ZNF274: variants seen among roughly 807,000 people sequenced by gnomAD.
ZNF274 encodes the protein neurotrophin receptor-interacting factor homolog.
In ZNF274, 23 loss-of-function variants were observed where a neutral mutation model predicts 42.5. That is an observed-to-expected ratio of 0.54 (90% confidence interval 0.39 to 0.77). The LOEUF (loss-of-function observed/expected upper bound fraction) is 0.77, where lower values mean the gene tolerates loss of function less well. ZNF274 is among the 30% of genes least tolerant of loss of function. The pLI, the probability that ZNF274 is intolerant of heterozygous loss-of-function variation, is 0.00. For synonymous variants in ZNF274, 292 were observed against 305.4 expected (o/e 0.96, Z 0.46); for missense variants, 679 against 806.5 (o/e 0.84, Z 1.91).
intron 5 of ZNF274, 28 bp from the exon 6 acceptor site, chr19:58,209,933 A>T (rs765941129): frequency 6.3e-7 from 1 of 1,575,918 alleles, no homozygotes; most frequent in Non-Finnish European, 8.7e-7. Context: ...ACACCTGCTG[A>T]CCTCCTCTGG....
At position 58,207,060 on chromosome 19, in the gene ZNF274, G is replaced by C. The variant is rs1466172350; in HGVS notation, c.597G>C (p.Gln199His). 1.9e-6 allele frequency: 3 copies of C among 1,613,658 alleles called. No individual in the cohort carries two copies. Among genetic ancestry groups the C allele is most frequent in the Non-Finnish European group, 1.7e-6 (2 of 1,179,908 alleles). Residue 199 changes from glutamine (Q) to histidine (H), a missense_variant, in exon 5 of 8, where the codon CAG (glutamine) becomes CAC (histidine). By Grantham distance (24) the Gln-to-His change is conservative (BLOSUM62 0). Transcript: ENST00000617501. The surrounding 1 kb of genome is among the most constrained non-coding windows in gnomAD (Gnocchi z 5.6). ...AGCCTAAGGCACGCTCCAAGGAGCA[G>C]ATCCTGGAGCTGCTGGTGCTGGAGC... ...WLQPKARSKE[Q>H]ILELLVLEQF... is the part of the protein sequence containing the mutation.
chr19:58,185,277 A>T (rs2075684012), intron 2 of ZNF274, among the ~76,000 whole-genome samples: 2 of 151,392 alleles, frequency 1.3e-5, no homozygotes, highest in Admixed American at 1.3e-4. Context: ...TACAAAAATT[A>T]GCCGGGCATG....
At chr19:58,204,350 G>T (rs113537581) in intron 4 of ZNF274, among the ~76,000 whole-genome samples, 22 of 152,270 alleles carry the variant, frequency 1.4e-4, no homozygotes, top group African/African-American at 4.6e-4. Flanking sequence ...GGGTCCAGGG[G>T]GGGCAGGGTT....
At chr19:58,199,951 G>T (rs2075890599) in intron 4 of ZNF274, among the ~76,000 whole-genome samples, 1 of 152,204 alleles carries the variant, frequency 6.6e-6, no homozygotes, top group Admixed American at 6.5e-5. Context: ...GAGTCCTGAA[G>T]TCATTCTAGC....
In ZNF274 at chr19:58,203,262, T is replaced by G. The variant is rs556121695; in HGVS notation, c.257-3458T>G. The stretch of plus-strand genomic sequence containing the variant: ...GCCTCCAGTAAATCTTATCCCCAGC[T>G]GCTTCTCAGGAAAAATTCAAGCCTT... On this transcript the variant is annotated intron_variant, in intron 4 of 7. Transcript: ENST00000617501. 5.9e-5 allele frequency among the ~76,000 whole-genome samples: 9 copies of G among 152,192 alleles called. No individual in the cohort carries two copies. In the South Asian group the frequency reaches 1.9e-3, roughly 32 times the overall value.
intron 4 of ZNF274, among the ~76,000 whole-genome samples, chr19:58,199,145 C>A (rs1267750998): frequency 1.3e-5 from 2 of 152,022 alleles, no homozygotes; most frequent in African/African-American, 4.8e-5. Context: ...GCAGGTGGAT[C>A]ACCTGAGGTC....
intron 4 of ZNF274, among the ~76,000 whole-genome samples, chr19:58,198,614 T>C (rs2075871621): frequency 6.6e-6 from 1 of 152,026 alleles, no homozygotes; most frequent in Non-Finnish European, 1.5e-5. Flanking sequence ...GTGCTGCCCA[T>C]AACTGTGATC....
At chr19:58,190,788 C>G (rs1016575247) in intron 4 of ZNF274, among the ~76,000 whole-genome samples, 6 of 152,092 alleles carry the variant, frequency 3.9e-5, no homozygotes, top group Non-Finnish European at 8.8e-5. Flanking sequence ...TCTTTGTTTT[C>G]TGTGCTGTGG....
At chr19:58,204,251 G>T (rs997994545) in intron 4 of ZNF274, among the ~76,000 whole-genome samples, 2 of 152,124 alleles carry the variant, frequency 1.3e-5, no homozygotes, top group Admixed American at 1.3e-4. Context: ...TGTCAGCGGG[G>T]ACTAGGGAGA....
chr19:58,207,428 T>G lies in ZNF274; in HGVS notation c.739+226T>G, dbSNP rs944499333. On this transcript the variant is annotated intron_variant, in intron 5 of 7. Coordinates refer to ENST00000617501, the MANE Select transcript of ZNF274 (RefSeq NM_133502.3). This position sits in a 1 kb window ranked among gnomAD's most constrained non-coding sequence, Gnocchi z 5.6. ...TTCTGATGGAAGCACACAGATGAAG[T>G]GCTTCATTTTTATCCCTCTGGCATC... is the stretch of plus-strand genomic sequence containing the variant. Among the ~76,000 whole-genome samples, 8 of 152,170 alleles carry G rather than the reference T, an allele frequency of 5.3e-5. No individual in the cohort carries two copies. The highest frequency in any genetic ancestry group is 1.9e-4 in the African/African-American group (8 of 41,430).
At chr19:58,194,546 T>A (rs1476106570) in intron 4 of ZNF274, among the ~76,000 whole-genome samples, 1 of 151,624 alleles carries the variant, frequency 6.6e-6, no homozygotes, top group African/African-American at 2.4e-5. Context: ...ACCTAGCTGA[T>A]ATTTTGGACT....
intron 4 of ZNF274, among the ~76,000 whole-genome samples, chr19:58,187,849 T>C (rs1423586692): frequency 6.6e-6 from 1 of 152,166 alleles, no homozygotes; most frequent in Non-Finnish European, 1.5e-5. Flanking sequence ...CCTCAGCCTC[T>C]GCAGTAGCTG....
Position 58,212,290 on chromosome 19 carries a change from C to T in ZNF274, c.1109C>T (p.Thr370Ile). 6.2e-7 allele frequency: 1 copy of T among 1,613,984 alleles called. No homozygotes were observed. Among genetic ancestry groups the T allele is most frequent in the Non-Finnish European group, 8.5e-7 (1 of 1,179,896 alleles). ...DCALSSTLEDTLQGGVQEVQD... is the reference protein window; with the variant it reads ...DCALSSTLEDILQGGVQEVQD... ...GCCTTGTCCTCTACATTAGAAGATA[C>T]CTTGCAGGGTGGGGTCCAGGAAGTC... Residue 370 changes from threonine to isoleucine, a missense_variant, in exon 8 of 8, where the codon ACC (threonine) becomes ATC (isoleucine). Around this residue, in one of 2 missense-constraint regions of ZNF274, gnomAD observed 456 missense variants for 590.1 expected, o/e 0.77. Coordinates refer to ENST00000617501, the MANE Select transcript of ZNF274 (RefSeq NM_133502.3). This position sits in a 1 kb window ranked among gnomAD's most constrained non-coding sequence, Gnocchi z 4.6.
chr19:58,210,285 G>C (rs1336565491), intron 6 of ZNF274: 1 of 474,990 alleles, frequency 2.1e-6, no homozygotes, highest in East Asian at 3.9e-5. Context: ...GACAACGCAT[G>C]GTGACCCGGG....
In ZNF274 at chr19:58,185,777, C is replaced by G. The variant is rs750768317; in HGVS notation, c.99C>G (p.Leu33=). 2.1e-6 allele frequency: 3 copies of G among 1,459,238 alleles called. No homozygotes were observed. Among genetic ancestry groups the G allele is most frequent in the Non-Finnish European group, 1.8e-6 (2 of 1,097,440 alleles). 90.4% of individuals were successfully genotyped at this position (1,459,238 alleles called of 1,614,324 possible). A position where few individuals can be genotyped will look rare whatever the true frequency, so the allele number is the denominator to read the frequency against. ...CGGAAGAGTGGGGACTGCTGGACCTCAAACAGAAGTCCCTGTACAGGGAAG... is the reference window on the plus strand; with the variant it reads ...CGGAAGAGTGGGGACTGCTGGACCTGAAACAGAAGTCCCTGTACAGGGAAG... The part of the protein sequence containing the change: ...FTPEEWGLLD[L]KQKSLYREVM... The change falls in exon 3 of 8, where the codon CTC becomes CTG. Residue 33 remains leucine, a synonymous_variant. Transcript: ENST00000617501.
intron 4 of ZNF274, among the ~76,000 whole-genome samples, chr19:58,205,853 T>C (rs1334291238): frequency 6.6e-6 from 1 of 152,202 alleles, no homozygotes; most frequent in Non-Finnish European, 1.5e-5. Context: ...CCTGTGACCA[T>C]GCATACATGT....
intron 4 of ZNF274, 97 bp downstream of exon 4, chr19:58,187,139 G>C: frequency 1.9e-6 from 2 of 1,051,632 alleles, no homozygotes; most frequent in South Asian, 1.4e-5. Context: ...GGATACCCCA[G>C]GTGGGATGCT....
At chr19:58,194,183 C>G (rs567825490) in intron 4 of ZNF274, among the ~76,000 whole-genome samples, 29 of 152,054 alleles carry the variant, frequency 1.9e-4, no homozygotes, top group Admixed American at 7.2e-4. Context: ...CACCACTGCA[C>G]TCCAGCCTTT....
At chr19:58,190,056 G>A (rs2075760643) in intron 4 of ZNF274, among the ~76,000 whole-genome samples, 1 of 151,110 alleles carries the variant, frequency 6.6e-6, no homozygotes, top group Admixed American at 6.6e-5. Flanking sequence ...CTGGGAGGCA[G>A]AGGTTGCAGT....
Sources: gnomAD v4.1 joint callset for allele counts (sites outside exome capture counted in the v4.1 genomes callset) on GRCh38, gnomAD v4.1.1 for gene constraint, gnomAD v4.1.1 regional missense constraint, Gnocchi (gnomAD v3.1) non-coding constraint, MANE v1.5 for transcripts, NCBI Gene and HGNC (gene_info 2026-07-23, HGNC 2026-07-21) for gene names.